ZBTB45: variants seen among roughly 807,000 people sequenced by gnomAD.
The protein encoded by ZBTB45 is zinc finger and BTB domain-containing protein 45.
In ZBTB45, 22 loss-of-function variants were observed where a neutral mutation model predicts 28.4. That is an observed-to-expected ratio of 0.77 (90% CI 0.55 to 1.10). The LOEUF (loss-of-function observed/expected upper bound fraction) is 1.10, where lower values mean the gene tolerates loss of function less well. ZBTB45 is among the 50% of genes least tolerant of loss of function. ZBTB45 has a pLI of 0.00. For synonymous variants in ZBTB45, 361 were observed against 332.3 expected (o/e 1.09, Z -0.94); for missense variants, 656 against 750.2 (o/e 0.87, Z 1.47).
At chr19:58,535,952 C>G (rs1371838923) in intron 1 of ZBTB45, among the ~76,000 whole-genome samples, 1 of 152,096 alleles carries the variant, frequency 6.6e-6, no homozygotes, top group African/African-American at 2.4e-5. Flanking sequence ...GAATAACATT[C>G]TGAGTAGAGG....
chr19:58,529,349 C>T (rs558944769), intron 1 of ZBTB45, among the ~76,000 whole-genome samples: 31 of 152,272 alleles, frequency 2.0e-4, no homozygotes, highest in African/African-American at 7.0e-4. Flanking sequence ...GCTGAGATGG[C>T]AGCCCGAGGA....
rs1156926247 is a variant in ZBTB45 at position 58,517,670 on chromosome 19, C to T, written c.4G>A (p.Ala2Thr). ...ATGTGATGCACAGCCTCTGCAGCCG[C>T]CATCTGCACAGAACAAGAGGAGGGC... is the stretch of plus-strand genomic sequence containing the variant. Reference protein sequence around the residue: MAAAEAVHHIHL... With the variant: MTAAEAVHHIHL... The change falls in exon 2 of 3, where the codon GCG (alanine) becomes ACG (threonine). Residue 2 changes from alanine (A) to threonine (T), a missense_variant. Ala to Thr is a moderately conservative substitution (Grantham distance 58). Transcript: ENST00000594051. 5.6e-6 allele frequency: 9 copies of T among 1,612,260 alleles called. No individual in the cohort carries two copies. The highest frequency in any genetic ancestry group is 1.3e-5 in the African/African-American group (1 of 74,870).
In ZBTB45 at chr19:58,515,123, G is replaced by A. The variant is rs548340818; in HGVS notation, c.1280-813C>T. Among the ~76,000 whole-genome samples, 1 of 152,048 alleles carries A rather than the reference G, an allele frequency of 6.6e-6. No homozygotes were observed. The highest frequency in any genetic ancestry group is 2.4e-5 in the African/African-American group (1 of 41,488). On this transcript the variant is annotated intron_variant, in intron 2 of 2. Coordinates refer to ENST00000594051, the MANE Select transcript of ZBTB45 (RefSeq NM_001316979.2). The surrounding 1 kb of genome is among the most constrained non-coding windows in gnomAD (Gnocchi z 4.7). ...GCAGATCGCTTGAGGCCAGGAGTTC[G>A]AGACCAACGTGGTGAAACCCCATCT...
Position 58,516,812 on chromosome 19 carries a change from C to T in ZBTB45, c.862G>A (p.Val288Ile), listed in dbSNP as rs759738068. 7 of 1,613,682 alleles carry T rather than the reference C, an allele frequency of 4.3e-6. No individual in the cohort carries two copies. In the South Asian group the frequency reaches 7.7e-5, roughly 18 times the overall value. ...CCATCCTCGTCGTGCCAAGTGGATA[C>T]ATAGCTGTCTGGAAATACGTCCTCA... ...SAEDVFPDSY[V>I]STWHDEDGAV... The change falls in exon 2 of 3, where the codon GTA becomes ATA. Residue 288 changes from valine (V) to isoleucine (I), a missense_variant. Physicochemically the swap from Val to Ile is conservative, Grantham distance 29. Transcript: ENST00000594051. The surrounding 1 kb of genome is among the most constrained non-coding windows in gnomAD (Gnocchi z 6.2).
chr19:58,524,006 G>A (rs2053592237), upstream of ZBTB45, among the ~76,000 whole-genome samples: 1 of 145,888 alleles, frequency 6.9e-6, no homozygotes, highest in Non-Finnish European at 1.5e-5. Flanking sequence ...CCCAGGAGGT[G>A]GAGGTTGCAG....
Position 58,514,768 on chromosome 19 carries a change from A to C in ZBTB45, c.1280-458T>G, listed in dbSNP as rs111332746. ...GTACCCTCCCCCTCAACCCCTACCC[A>C]CCCGGCACAGGGAGACACTGGGTCC... On this transcript the variant is annotated intron_variant, in intron 2 of 2. Coordinates refer to ENST00000594051, the MANE Select transcript of ZBTB45 (RefSeq NM_001316979.2). Among the ~76,000 whole-genome samples, 602 of 151,064 alleles carry C rather than the reference A, an allele frequency of 4.0e-3. 3 individuals are homozygous for C. Among genetic ancestry groups the C allele is most frequent in the Non-Finnish European group, 6.5e-3 (442 of 67,698 alleles).
At chr19:58,518,512 G>A (rs2053544463) in intron 1 of ZBTB45, among the ~76,000 whole-genome samples, 1 of 152,140 alleles carries the variant, frequency 6.6e-6, no homozygotes, top group Admixed American at 6.5e-5. Flanking sequence ...CAGGGTGTGG[G>A]TGTGGCACAG....
chr19:58,527,625 A>G (rs1006200614), intron 1 of ZBTB45, among the ~76,000 whole-genome samples: 3 of 152,128 alleles, frequency 2.0e-5, no homozygotes, highest in Non-Finnish European at 4.4e-5. Flanking sequence ...GGCTAGTCTG[A>G]GAAGTGCTTC....
intron 1 of ZBTB45, among the ~76,000 whole-genome samples, chr19:58,529,084 CAAA>C (rs1231496438): frequency 1.5e-4 from 9 of 61,420 alleles, no homozygotes; most frequent in Admixed American, 3.7e-4. Context: ...AACTCCATCT[CAAA>C]AAAAAAAAAA....
chr19:58,519,874 C>T (rs1315966322), upstream of ZBTB45: 1 of 152,320 alleles, frequency 6.6e-6, no homozygotes, highest in African/African-American at 2.4e-5. Flanking sequence ...AAACCCTAGG[C>T]CGAAGCACGT....
chr19:58,530,177 C>G (rs1387954976), intron 1 of ZBTB45, among the ~76,000 whole-genome samples: 1 of 151,066 alleles, frequency 6.6e-6, no homozygotes, highest in Non-Finnish European at 1.5e-5. Context: ...ACACTCCAGT[C>G]TGATGACAGA....
rs778567875 is a variant in ZBTB45, at chr19:58,517,629, G to A, written c.45C>T (p.Phe15=). ...EAVHHIHLQN[F]SRSLLETLNG... Reference sequence around the variant, plus strand: ...TGAGGGTCTCAAGCAGAGAGCGTGAGAAGTTCTGCAGGTGTATGTGATGCA... The same window carrying A: ...TGAGGGTCTCAAGCAGAGAGCGTGAAAAGTTCTGCAGGTGTATGTGATGCA... The change falls in exon 2 of 3, where the codon TTC becomes TTT. Residue 15 remains phenylalanine (F), a synonymous_variant. Coordinates refer to ENST00000594051, the MANE Select transcript of ZBTB45 (RefSeq NM_001316979.2). 1.2e-6 allele frequency: 2 copies of A among 1,613,934 alleles called. No individual in the cohort carries two copies. Among genetic ancestry groups the A allele is most frequent in the Admixed American group, 1.7e-5 (1 of 60,006 alleles).
At chr19:58,517,800 C>T (rs1430503209) in intron 1 of ZBTB45, 127 bp from the exon 2 acceptor site, 1 of 775,662 alleles carries the variant, frequency 1.3e-6, no homozygotes, top group East Asian at 2.7e-5. Context: ...GCGCGCTAAC[C>T]CATCCCTCCC....
Position 58,516,606 on chromosome 19 carries a change from G to C in ZBTB45, c.1068C>G (p.Pro356=). 6.4e-7 allele frequency: 1 copy of C among 1,561,080 alleles called. No homozygotes were observed. The highest frequency in any genetic ancestry group is 1.4e-5 in the African/African-American group (1 of 73,962). The part of the protein sequence containing the change: ...PSAPSGPAPA[P]PPAFYPTLQP... ...GGAGTGTGGGGTAGAAGGCGGGTGG[G>C]GGCGCAGGGGCTGGCCCCGATGGTG... Residue 356 remains proline, a synonymous_variant, in exon 2 of 3, where the codon CCC becomes CCG. Coordinates refer to ENST00000594051, the MANE Select transcript of ZBTB45 (RefSeq NM_001316979.2). This position sits in a 1 kb window ranked among gnomAD's most constrained non-coding sequence, Gnocchi z 6.2.
chr19:58,518,642 G>A (rs1330915972), intron 1 of ZBTB45, among the ~76,000 whole-genome samples: 2 of 152,090 alleles, frequency 1.3e-5, no homozygotes, highest in African/African-American at 2.4e-5. Context: ...GAGGACTCTG[G>A]AATCTGAGGA....
chr19:58,528,329 T>A (rs2053618291), intron 1 of ZBTB45, among the ~76,000 whole-genome samples: 1 of 151,980 alleles, frequency 6.6e-6, no homozygotes, highest in Admixed American at 6.6e-5. Flanking sequence ...CCGCCTCGTG[T>A]TGTTTGTTGG....
Position 58,516,426 on chromosome 19 carries a change from T to A in ZBTB45, c.1248A>T (p.Lys416Asn). Residue 416 changes from lysine to asparagine, a missense_variant, in exon 2 of 3, where the codon AAA (lysine) becomes AAT (asparagine). By Grantham distance (94) the Lys-to-Asn change is moderately conservative. This residue lies in a region of ZBTB45 where 103 missense variants were observed against 153.5 expected (regional missense o/e 0.67). Transcript: ENST00000594051. The surrounding 1 kb of genome is among the most constrained non-coding windows in gnomAD (Gnocchi z 6.2). ...GGATGAACATGTGCTTGGTGTAGTT[T>A]TTCCGGGAGCTGAACGTCTTGCGAC... ...SHCRKTFSSR[K>N]NYTKHMFIHS... is the part of the protein sequence containing the mutation. The A allele has an allele frequency of 6.2e-7, 1 of 1,613,952 alleles. No individual in the cohort carries two copies. The highest frequency in any genetic ancestry group is 8.5e-7 in the Non-Finnish European group (1 of 1,179,868).
upstream of ZBTB45, among the ~76,000 whole-genome samples, chr19:58,524,385 T>A (rs1397888995): frequency 6.3e-5 from 9 of 143,264 alleles, no homozygotes; most frequent in East Asian, 8.4e-4. Flanking sequence ...ATAATAATAA[T>A]AAAAAGAATG....
At chr19:58,525,083 C>G (rs111502695) in intron 1 of ZBTB45, among the ~76,000 whole-genome samples, 1,590 of 152,210 alleles carry the variant, frequency 0.01, 29 homozygotes, top group African/African-American at 0.036. Flanking sequence ...GAACAGACAG[C>G]TCCCACCAAG....
Sources: allele counts gnomAD v4.1 joint callset (sites outside exome capture counted in the v4.1 genomes callset), GRCh38; gene constraint gnomAD v4.1.1; regional missense constraint gnomAD v4.1.1; non-coding constraint Gnocchi (gnomAD v3.1); transcripts MANE v1.5; gene names NCBI Gene and HGNC (gene_info 2026-07-23, HGNC 2026-07-21).